Variants in SIVA1 observed in about 807,000 individuals in gnomAD.
The protein encoded by SIVA1 is SIVA1 apoptosis inducing factor.
A neutral mutation model predicts 19.7 loss-of-function variants in SIVA1; 10 were observed. The observed-to-expected ratio is 0.51, with a 90% CI of 0.31 to 0.86. The LOEUF is 0.86. SIVA1 is among the 40% of genes least tolerant of loss of function. SIVA1 has a pLI of 0.04. For synonymous variants in SIVA1, 130 were observed against 106.1 expected, an observed-to-expected ratio of 1.23 and a Z score of -1.39; for missense variants, 241 against 245.2, an observed-to-expected ratio of 0.98 and a Z score of 0.11.
chr14:104,753,572 C>G, intron 1 of SIVA1: 1 of 519,900 alleles, frequency 1.9e-6, no homozygotes, highest in Non-Finnish European at 3.5e-6. Context: ...TGCCCCTAGC[C>G]CCCGCGCCCT....
chr14:104,755,710 C>T lies in SIVA1; in HGVS notation c.199C>T (p.Leu67=). The T allele has an allele frequency of 6.2e-7, 1 of 1,614,112 alleles. No homozygotes were observed. Among genetic ancestry groups the T allele is most frequent in the Non-Finnish European group, 8.5e-7 (1 of 1,180,000 alleles). The change falls in exon 2 of 4, where the codon CTG becomes TTG. Residue 67 remains leucine, a synonymous_variant. Coordinates refer to ENST00000329967, the MANE Select transcript of SIVA1 (RefSeq NM_006427.4). Reference sequence around the variant, plus strand: ...GGATGAAGGCTGTGCCGTCGTTCACCTGCCAGAGTCCCCAAAGCCTGGCCC... The same window carrying T: ...GGATGAAGGCTGTGCCGTCGTTCACTTGCCAGAGTCCCCAAAGCCTGGCCC... The part of the protein sequence containing the change: ...VWDEGCAVVH[L]PESPKPGPTG...
In SIVA1 at chr14:104,759,189, T is replaced by C. The variant is rs1892001970; in HGVS notation, c.471-239T>C. On this transcript the variant is annotated intron_variant, in intron 3 of 3. Transcript: ENST00000329967. The surrounding 1 kb of genome is among the most constrained non-coding windows in gnomAD (Gnocchi z 4.2). ...CCCCTCCCTGTATCTTCATGTCGTC[T>C]TCCTTCTCTGTGTCCTTCTCTTCAC... 1 of 407,520 alleles carries C rather than the reference T, an allele frequency of 2.5e-6. No individual in the cohort carries two copies. Among genetic ancestry groups the C allele is most frequent in the Non-Finnish European group, 4.4e-6 (1 of 226,502 alleles). 25.2% of individuals were successfully genotyped at this position (407,520 alleles called of 1,614,324 possible). A position where few individuals can be genotyped will look rare whatever the true frequency, so the allele number is the denominator to read the frequency against.
chr14:104,756,380 T>A (rs1183227843), intron 2 of SIVA1: 6 of 591,124 alleles, frequency 1.0e-5, no homozygotes, highest in Non-Finnish European at 1.8e-5. Flanking sequence ...GCACTGAACT[T>A]GGAGTCAACT....
chr14:104,753,340 C>T, intron 1 of SIVA1, 21 bp downstream of exon 1: 1 of 1,527,136 alleles, frequency 6.5e-7, no homozygotes, highest in Admixed American at 1.8e-5. Context: ...GGCGGGCTGC[C>T]GAGGGTCCGC....
rs777898685 is a variant in SIVA1 at position 104,756,705 on chromosome 14, G to A, written c.415G>A (p.Val139Met). The A allele has an allele frequency of 1.9e-6, 3 of 1,614,140 alleles. No individual in the cohort carries two copies. Among genetic ancestry groups the A allele is most frequent in the African/African-American group, 2.7e-5 (2 of 75,068 alleles). The change falls in exon 3 of 4, where the codon GTG (valine) becomes ATG (methionine). Residue 139 changes from valine to methionine, a missense_variant. Coordinates refer to ENST00000329967, the MANE Select transcript of SIVA1 (RefSeq NM_006427.4). Reference protein sequence around the residue: ...QCERALCGQCVRTCWGCGSVA... With the variant: ...QCERALCGQCMRTCWGCGSVA... The stretch of plus-strand genomic sequence containing the variant: ...TGAGCGAGCCCTGTGCGGGCAGTGT[G>A]TGCGCACCTGCTGGGGCTGCGGCTC...
intron 2 of SIVA1, chr14:104,756,144 G>A (rs1891880423): frequency 2.0e-6 from 1 of 493,688 alleles, no homozygotes. Flanking sequence ...GCAGTGTGGG[G>A]TCTCAGAGCA....
In SIVA1 at chr14:104,759,494, C is replaced by T; in HGVS notation, c.*9C>T. On this transcript the variant is annotated 3_prime_UTR_variant, in exon 4 of 4. Coordinates refer to ENST00000329967, the MANE Select transcript of SIVA1 (RefSeq NM_006427.4). The surrounding 1 kb of genome is among the most constrained non-coding windows in gnomAD (Gnocchi z 4.2). Reference sequence around the variant, plus strand: ...CCATGTTCGAGACCTGAGGCTGGCTCAAGCCGGCTGCCTTCACCGGGAGCC... The same window carrying T: ...CCATGTTCGAGACCTGAGGCTGGCTTAAGCCGGCTGCCTTCACCGGGAGCC... 6.2e-7 allele frequency: 1 copy of T among 1,608,716 alleles called. No homozygotes were observed. The highest frequency in any genetic ancestry group is 8.5e-7 in the Non-Finnish European group (1 of 1,179,526).
intron 3 of SIVA1, chr14:104,757,286 C>T: frequency 2.3e-6 from 1 of 442,676 alleles, no homozygotes; most frequent in Admixed American, 2.5e-5. Context: ...GGCTACTCAC[C>T]TGGTGGATGG....
At chr14:104,754,005 C>T (rs1891802203) in intron 1 of SIVA1, 5 of 285,446 alleles carry the variant, frequency 1.8e-5, no homozygotes, top group South Asian at 8.2e-5. Flanking sequence ...AGGAAGAGGG[C>T]GAGGCAGAAG....
In SIVA1 at chr14:104,753,728, C is replaced by T. The variant is rs1337944294; in HGVS notation, c.118+409C>T. On this transcript the variant is annotated intron_variant, in intron 1 of 3. Transcript: ENST00000329967. ...TCAACCCGAAGAGTGCCCCTCCTGT[C>T]CCAAGAGGTATTCATGGAGCGCGCG... 3.6e-5 allele frequency: 16 copies of T among 449,220 alleles called. No homozygotes were observed. The East Asian group carries it at 9.5e-4, about 27-fold the overall frequency. The allele number at this position is 449,220 out of a possible 1,614,324, so 27.8% of individuals were successfully genotyped here. A position where few individuals can be genotyped will look rare whatever the true frequency, so the allele number is the denominator to read the frequency against.
At chr14:104,757,158 G>T in intron 3 of SIVA1, 1 of 340,478 alleles carries the variant, frequency 2.9e-6, no homozygotes. Context: ...TTTGGTTGTA[G>T]ACCCTCTCAG....
chr14:104,759,458 C>T lies in SIVA1; in HGVS notation c.501C>T (p.Cys167=). ...GTGACATGTACGAGAAAGTGCTGTG[C>T]ACCAGCTGTGCCATGTTCGAGACCT... ...DCSDMYEKVL[C]TSCAMFET The change falls in exon 4 of 4, where the codon TGC becomes TGT. Residue 167 remains cysteine (C), a synonymous_variant. Transcript: ENST00000329967. This position sits in a 1 kb window ranked among gnomAD's most constrained non-coding sequence, Gnocchi z 4.2. 1 of 1,612,732 alleles carries T rather than the reference C, an allele frequency of 6.2e-7. No homozygotes were observed. Among genetic ancestry groups the T allele is most frequent in the Non-Finnish European group, 8.5e-7 (1 of 1,179,928 alleles).
chr14:104,756,731 C>T lies in SIVA1; in HGVS notation c.441C>T (p.Ser147=), dbSNP rs139604480. 1.5e-4 allele frequency: 242 copies of T among 1,613,666 alleles called. 1 individual carries two copies. The highest frequency in any genetic ancestry group is 9.7e-5 in the Non-Finnish European group (115 of 1,179,872). Residue 147 remains serine (S), a synonymous_variant, in exon 3 of 4, where the codon TCC becomes TCT. Transcript: ENST00000329967. ...QCVRTCWGCG[S]VACTLCGLVD... ...TGCGCACCTGCTGGGGCTGCGGCTC[C>T]GTGGCCTGTACCCTGTGTGGCCTCG...
chr14:104,754,548 C>G (rs1232172714), intron 1 of SIVA1, among the ~76,000 whole-genome samples: 2 of 152,192 alleles, frequency 1.3e-5, no homozygotes. Flanking sequence ...GTGTCCTGAC[C>G]TGGGCGTTGG....
chr14:104,753,305 C>A lies in SIVA1; in HGVS notation c.104C>A (p.Ser35Ter). Residue 35 changes from serine to a stop codon, truncating the protein, a stop_gained, in exon 1 of 4, where the codon TCG becomes TAG. Coordinates refer to ENST00000329967, the MANE Select transcript of SIVA1 (RefSeq NM_006427.4). LOFTEE classifies it high-confidence loss of function. ...CGCGGCGTGTGCGCCGAGCGCTACT[C>A]GCAGGAGGTCTTCGGTGAGTGTCGG... The part of the protein sequence containing the change: ...LSRGVCAERY[S>*]QEVFEKTKRL... 6.3e-7 allele frequency: 1 copy of A among 1,598,554 alleles called. No individual in the cohort carries two copies.
intron 1 of SIVA1, 89 bp from the exon 2 acceptor site, chr14:104,755,541 G>T: frequency 8.4e-7 from 1 of 1,184,892 alleles, no homozygotes; most frequent in Non-Finnish European, 1.2e-6. Context: ...GGACGATGGG[G>T]TTCATGTGAG....
chr14:104,756,672 G>C lies in SIVA1; in HGVS notation c.382G>C (p.Gly128Arg). Reference protein sequence around the residue: ...VRAVDGKAVCGQCERALCGQC... With the variant: ...VRAVDGKAVCRQCERALCGQC... ...AGCCGTGGATGGGAAGGCGGTCTGC[G>C]GTCAGTGTGAGCGAGCCCTGTGCGG... The change falls in exon 3 of 4, where the codon GGT becomes CGT. Residue 128 changes from glycine to arginine, a missense_variant. Coordinates refer to ENST00000329967, the MANE Select transcript of SIVA1 (RefSeq NM_006427.4). 1 of 1,614,206 alleles carries C rather than the reference G, an allele frequency of 6.2e-7. No individual in the cohort carries two copies. The highest frequency in any genetic ancestry group is 8.5e-7 in the Non-Finnish European group (1 of 1,180,038).
In SIVA1 at chr14:104,755,879, C is replaced by A. The variant is rs563487998; in HGVS notation, c.313+55C>A. ...GTGGCACTGAGGGCAGGTGGTGGCA[C>A]GAGCATTTTTCTTGATTTGCAAGGT... is the stretch of plus-strand genomic sequence containing the variant. On this transcript the variant is annotated intron_variant, in intron 2 of 3. Coordinates refer to ENST00000329967, the MANE Select transcript of SIVA1 (RefSeq NM_006427.4). 112 of 1,524,544 alleles carry A rather than the reference C, an allele frequency of 7.3e-5. 2 individuals are homozygous for A. In the African/African-American group the frequency reaches 1.3e-3, roughly 18 times the overall value. 94.4% of individuals were successfully genotyped at this position (1,524,544 alleles called of 1,614,324 possible).
chr14:104,755,528 G>A (rs892882503), intron 1 of SIVA1, 102 bp from the exon 2 acceptor site: 1 of 1,068,908 alleles, frequency 9.4e-7, no homozygotes, highest in African/African-American at 1.6e-5. Flanking sequence ...AGGGCACACA[G>A]GAGGACGATG....
Sources: gnomAD v4.1 joint callset for allele counts (sites outside exome capture counted in the v4.1 genomes callset) on GRCh38, gnomAD v4.1.1 for gene constraint, Gnocchi (gnomAD v3.1) non-coding constraint, MANE v1.5 for transcripts, NCBI Gene and HGNC (gene_info 2026-07-23, HGNC 2026-07-21) for gene names.